The following NDUFA10 variants were observed in gnomAD, a reference collection of about 807,000 sequenced individuals.
NDUFA10 encodes NADH:ubiquinone oxidoreductase subunit A10, also known as NADH dehydrogenase [ubiquinone] 1 alpha subcomplex subunit 10, mitochondrial.
Under a neutral mutation model 47.8 loss-of-function variants are expected in NDUFA10, and 40 were observed. The observed-to-expected ratio is 0.84, with a 90% CI of 0.65 to 1.09. The LOEUF (loss-of-function observed/expected upper bound fraction) is 1.09, where lower values mean the gene tolerates loss of function less well. Among genes scored for constraint, NDUFA10 ranks in the 50% least tolerant of loss-of-function variants. The pLI, the probability that NDUFA10 is intolerant of heterozygous loss-of-function variation, is 0.00. For missense variants in NDUFA10, 413 were observed against 451.1 expected (o/e 0.92, Z 0.76); for synonymous variants, 183 against 172.2 (o/e 1.06, Z -0.49).
intron 4 of NDUFA10, among the ~76,000 whole-genome samples, chr2:239,929,282 C>T (rs928985903): frequency 5.3e-5 from 8 of 152,078 alleles, no homozygotes; most frequent in Non-Finnish European, 5.9e-5. Context: ...TTACGGAGGA[C>T]GGTACCGGGC....
At position 239,957,880 on chromosome 2, in the gene NDUFA10, TC is replaced by T. The variant is rs1694702107; in HGVS notation, c.*3237del. 6.6e-6 allele frequency: 1 copy of T among 152,216 alleles called. No individual in the cohort carries two copies. Among genetic ancestry groups the T allele is most frequent in the Admixed American group, 6.5e-5 (1 of 15,284 alleles). The allele number at this position is 152,216 out of a possible 1,614,324, so 9.4% of individuals were successfully genotyped here. A position where few individuals can be genotyped will look rare whatever the true frequency, so the allele number is the denominator to read the frequency against. ...CCCTCTGCTGAGAAGAGGCTCCTTT[TC>T]CCAAGGGAAGCTCGCTGCTTCGAGT... is the stretch of plus-strand genomic sequence containing the variant. On this transcript the variant is annotated 3_prime_UTR_variant, in exon 10 of 10. Transcript: ENST00000252711.
At position 240,005,281 on chromosome 2, in the gene NDUFA10, A is replaced by G. The variant is rs747219157; in HGVS notation, c.819T>C (p.Ile273=). 6 of 1,613,818 alleles carry G rather than the reference A, an allele frequency of 3.7e-6. No individual in the cohort carries two copies. The African/African-American group carries it at 8.0e-5, about 22-fold the overall frequency. The change falls in exon 8 of 10, where the codon ATT becomes ATC. Residue 273 remains isoleucine, a synonymous_variant. Coordinates refer to ENST00000252711, the MANE Select transcript of NDUFA10 (RefSeq NM_004544.4). ...AQDSKKVVED[I]EYLKFDKGPW... is the part of the protein sequence containing the mutation. ...GCCCTTTATCGAACTTCAGGTATTC[A>G]ATGTCCTCTACCACCTAAGACAGGA... is the stretch of plus-strand genomic sequence containing the variant.
chr2:240,010,640 G>C (rs1574884544), intron 6 of NDUFA10, among the ~76,000 whole-genome samples: 2 of 152,086 alleles, frequency 1.3e-5, no homozygotes, highest in Admixed American at 1.3e-4. Flanking sequence ...ACCTAAGAAA[G>C]AAACGCTCAC....
At chr2:240,021,034 A>G in intron 3 of NDUFA10, 163 bp downstream of exon 3, 1 of 685,262 alleles carries the variant, frequency 1.5e-6, no homozygotes, top group African/African-American at 1.8e-5. Context: ...TTCTGAAGCA[A>G]AAATAACACA....
chr2:239,950,877 C>A (rs1296523526), intron 4 of NDUFA10, among the ~76,000 whole-genome samples: 1 of 152,218 alleles, frequency 6.6e-6, no homozygotes, highest in African/African-American at 2.4e-5. Flanking sequence ...CACTGTCCAA[C>A]AATTACGGGG....
rs1323485650 is a variant in NDUFA10 at position 240,019,590 on chromosome 2, G to A, written c.461-951C>T. Among the ~76,000 whole-genome samples the A allele has an allele frequency of 4.1e-5, 4 of 96,970 alleles. 1 individual carries two copies. Among genetic ancestry groups the A allele is most frequent in the East Asian group, 5.5e-4 (2 of 3,610 alleles). The allele number at this position is 96,970 out of a possible 152,430, so 63.6% of individuals were successfully genotyped here. ...TCCCAGCACTTTGGGAGGCCGAGGC[G>A]GGCGGATCACGAGGTCAGGAGATCG... On this transcript the variant is annotated intron_variant, in intron 3 of 9. Coordinates refer to ENST00000252711, the MANE Select transcript of NDUFA10 (RefSeq NM_004544.4).
At chr2:240,006,112 A>C (rs1696938966) in intron 7 of NDUFA10, among the ~76,000 whole-genome samples, 1 of 152,170 alleles carries the variant, frequency 6.6e-6, no homozygotes, top group Admixed American at 6.6e-5. Context: ...AAACTCATGA[A>C]CCCTCTTTAG....
intron 9 of NDUFA10, among the ~76,000 whole-genome samples, chr2:239,978,634 T>C (rs1695631492): frequency 6.6e-6 from 1 of 152,236 alleles, no homozygotes; most frequent in South Asian, 2.1e-4. Flanking sequence ...CCAAGTGGTA[T>C]GAGTCAGTGG....
chr2:239,956,575 G>C (rs796524009), downstream of NDUFA10, among the ~76,000 whole-genome samples: 17 of 152,192 alleles, frequency 1.1e-4, no homozygotes, highest in African/African-American at 4.1e-4. Flanking sequence ...CCTGGAGTCG[G>C]GACGGCCCAG....
At position 240,014,827 on chromosome 2, in the gene NDUFA10, G is replaced by T. The variant is rs1481884918; in HGVS notation, c.581C>A (p.Thr194Asn). Residue 194 changes from threonine (T) to asparagine (N), a missense_variant, in exon 5 of 10, where the codon ACC becomes AAC. By Grantham distance (65) the Thr-to-Asn change is moderately conservative. Transcript: ENST00000252711. The part of the protein sequence containing the change: ...VDHYNEVKSV[T>N]ICDYLPPHLV... ...GTGGGGGGGCAGGTAATCGCAGATG[G>T]TGACGCTCTTCACCTCGTTGTAGTG... is the stretch of plus-strand genomic sequence containing the variant. The T allele has an allele frequency of 6.2e-7, 1 of 1,614,128 alleles. No individual in the cohort carries two copies. Among genetic ancestry groups the T allele is most frequent in the Admixed American group, 1.7e-5 (1 of 60,028 alleles).
intron 4 of NDUFA10, among the ~76,000 whole-genome samples, chr2:239,916,760 C>A (rs1693886808): frequency 6.6e-6 from 1 of 152,358 alleles, no homozygotes; most frequent in African/African-American, 2.4e-5. Flanking sequence ...AGGTGCGGAA[C>A]AGGCGCTGTG....
chr2:239,960,729 G>T lies in NDUFA10; in HGVS notation c.*389C>A. 8.4e-7 allele frequency: 1 copy of T among 1,186,698 alleles called. No homozygotes were observed. The highest frequency in any genetic ancestry group is 1.1e-6 in the Non-Finnish European group (1 of 942,200). The allele number at this position is 1,186,698 out of a possible 1,614,324, so 73.5% of individuals were successfully genotyped here. ...CGTGCCCGCACGCACATAGACGTACGATGGGGAAATTCCCATGGAAACACT... is the reference window on the plus strand; with the variant it reads ...CGTGCCCGCACGCACATAGACGTACTATGGGGAAATTCCCATGGAAACACT... On this transcript the variant is annotated 3_prime_UTR_variant, in exon 10 of 10. Coordinates refer to ENST00000252711, the MANE Select transcript of NDUFA10 (RefSeq NM_004544.4).
chr2:239,924,691 C>G (rs1179823331), intron 4 of NDUFA10, among the ~76,000 whole-genome samples: 1 of 151,912 alleles, frequency 6.6e-6, no homozygotes, highest in East Asian at 1.9e-4. Context: ...AATGTAGGAC[C>G]AAAAATCCTA....
At chr2:240,004,648 C>A (rs1044053005) in intron 8 of NDUFA10, among the ~76,000 whole-genome samples, 4 of 152,086 alleles carry the variant, frequency 2.6e-5, no homozygotes, top group African/African-American at 9.7e-5. Context: ...GGCCTCCCCT[C>A]CCCACACTTT....
chr2:240,007,317 T>G lies in NDUFA10; in HGVS notation c.803A>C (p.Lys268Thr). 1 of 1,583,586 alleles carries G rather than the reference T, an allele frequency of 6.3e-7. No homozygotes were observed. The highest frequency in any genetic ancestry group is 8.7e-7 in the Non-Finnish European group (1 of 1,152,426). ...YSAREAQDSK[K>T]VVEDIEYLKF... is the part of the protein sequence containing the mutation. ...TCAACTTTTCAACCATTTTCTTACC[T>G]TTTTTGAATCTTGAGCTTCCCTTGC... Residue 268 changes from lysine to threonine, a missense_variant and splice_region_variant, in exon 7 of 10, where the codon AAG becomes ACG. Physicochemically the swap from Lys to Thr is moderately conservative, Grantham distance 78. Transcript: ENST00000252711.
At chr2:239,995,147 G>A (rs188041763) in intron 8 of NDUFA10, among the ~76,000 whole-genome samples, 127 of 152,234 alleles carry the variant, frequency 8.3e-4, no homozygotes, top group African/African-American at 3.0e-3. Context: ...GGTGGTGCAC[G>A]CCTGTAGTAT....
At chr2:239,956,253 C>T (rs533777077), downstream of NDUFA10, among the ~76,000 whole-genome samples, 1 of 152,282 alleles carries the variant, frequency 6.6e-6, no homozygotes, top group East Asian at 1.9e-4. Flanking sequence ...ATGCAAGACG[C>T]ACAAAATCCA....
At chr2:239,893,129 C>T (rs1693324466) in intron 5 of NDUFA10, among the ~76,000 whole-genome samples, 1 of 152,176 alleles carries the variant, frequency 6.6e-6, no homozygotes, top group South Asian at 2.1e-4. Context: ...CCTCTGATCC[C>T]CTGCTGAGAT....
intron 8 of NDUFA10, among the ~76,000 whole-genome samples, chr2:240,004,655 CT>C (rs1057392302): frequency 6.6e-6 from 1 of 152,124 alleles, no homozygotes; most frequent in African/African-American, 2.4e-5. Context: ...CCTCCCCACA[CT>C]TTTTCTGGCC....
Sources: gnomAD v4.1 joint callset for allele counts (sites outside exome capture counted in the v4.1 genomes callset) on GRCh38, gnomAD v4.1.1 for gene constraint, MANE v1.5 for transcripts, NCBI Gene and HGNC (gene_info 2026-07-23, HGNC 2026-07-21) for gene names.